The following GVQW3 variants were observed in gnomAD, a reference collection of about 807,000 sequenced individuals.
GVQW3 encodes the protein protein GVQW3.
Under a neutral mutation model 12.5 loss-of-function variants are expected in GVQW3, and 7 were observed. That is an observed-to-expected ratio of 0.56 (90% confidence interval 0.32 to 1.05). The LOEUF is 1.05. GVQW3 is among the 50% of genes least tolerant of loss of function. The pLI is 0.04. For synonymous variants in GVQW3, 71 were observed against 67.2 expected, an observed-to-expected ratio of 1.06 and a Z score of -0.28; for missense variants, 188 against 190.8, an observed-to-expected ratio of 0.99 and a Z score of 0.09.
chr11:76,413,235 C>T (rs1177168277), exon 2 of GVQW3: 1 of 152,098 alleles, frequency 6.6e-6, no homozygotes, highest in Non-Finnish European at 1.5e-5. Context: ...AGCCTTGTAT[C>T]ATACAAGGCT....
intron 1 of GVQW3, among the ~76,000 whole-genome samples, chr11:76,401,677 G>C (rs964252829): frequency 1.3e-5 from 2 of 150,900 alleles, no homozygotes; most frequent in South Asian, 4.2e-4. Flanking sequence ...TGAGGCTGAG[G>C]CAGGAGAACC....
rs1369652570 is a variant in GVQW3, at chr11:76,404,943, T to C, written c.*1185T>C. On this transcript the variant is annotated 3_prime_UTR_variant, in exon 2 of 2. Coordinates refer to ENST00000529331, the MANE Select transcript of GVQW3 (RefSeq NM_001347885.2). ...GGGGACTTTAATGAGTGTAAATAGC[T>C]ACCCTTTATTGAGCATTGTTTATGT... 1 of 152,248 alleles carries C rather than the reference T, an allele frequency of 6.6e-6. No individual in the cohort carries two copies. The highest frequency in any genetic ancestry group is 2.4e-5 in the African/African-American group (1 of 41,472). 9.4% of individuals were successfully genotyped at this position (152,248 alleles called of 1,614,324 possible). A position where few individuals can be genotyped will look rare whatever the true frequency, so the allele number is the denominator to read the frequency against.
At chr11:76,397,624 A>G (rs1946951168) in intron 1 of GVQW3, among the ~76,000 whole-genome samples, 1 of 152,182 alleles carries the variant, frequency 6.6e-6, no homozygotes, top group East Asian at 1.9e-4. Flanking sequence ...TAAATATTCA[A>G]ATTACCAATG....
intron 1 of GVQW3, among the ~76,000 whole-genome samples, chr11:76,386,062 C>T (rs985429780): frequency 1.3e-5 from 2 of 152,202 alleles, no homozygotes; most frequent in Admixed American, 6.5e-5. Context: ...TTAACACCAT[C>T]GGTCAATGAC....
At chr11:76,411,200 C>T (rs902031225), downstream of GVQW3, 5 of 152,346 alleles carry the variant, frequency 3.3e-5, no homozygotes, top group East Asian at 3.8e-4. Flanking sequence ...GGACTTGATC[C>T]GCGTGAGCGG....
At chr11:76,396,320 T>C (rs1946939106) in intron 1 of GVQW3, among the ~76,000 whole-genome samples, 1 of 151,836 alleles carries the variant, frequency 6.6e-6, no homozygotes, top group Non-Finnish European at 1.5e-5. Flanking sequence ...TTTATTATTA[T>C]TATTATTTTT....
intron 1 of GVQW3, among the ~76,000 whole-genome samples, chr11:76,400,038 C>CACACACACAT (rs1555029539): frequency 4.0e-5 from 6 of 151,330 alleles, no homozygotes; most frequent in African/African-American, 1.5e-4. Context: ...CACACACACA[C>CACACACACAT]ACACACACAC....
At chr11:76,384,083 G>A (rs1946806778) in intron 1 of GVQW3, among the ~76,000 whole-genome samples, 2 of 152,174 alleles carry the variant, frequency 1.3e-5, no homozygotes, top group African/African-American at 4.8e-5. Context: ...TCCCAAGTGG[G>A]TTCCAAGTAA....
At chr11:76,392,499 G>A (rs1176384034) in intron 1 of GVQW3, 1 of 152,194 alleles carries the variant, frequency 6.6e-6, no homozygotes, top group African/African-American at 2.4e-5. Flanking sequence ...GGCAGAGCCA[G>A]GATAATAATG....
At chr11:76,398,780 G>C (rs1946962139) in intron 1 of GVQW3, among the ~76,000 whole-genome samples, 1 of 152,130 alleles carries the variant, frequency 6.6e-6, no homozygotes, top group East Asian at 1.9e-4. Flanking sequence ...TTTTCTTATA[G>C]ACGTATATCT....
chr11:76,403,580 C>T, intron 1 of GVQW3, 80 bp from the exon 2 acceptor site: 1 of 426,162 alleles, frequency 2.3e-6, no homozygotes, highest in South Asian at 8.5e-5. Flanking sequence ...AGCAGTCCTC[C>T]CACCTCAGCC....
At chr11:76,395,569 T>G (rs1946931539) in intron 1 of GVQW3, among the ~76,000 whole-genome samples, 1 of 152,216 alleles carries the variant, frequency 6.6e-6, no homozygotes, top group Non-Finnish European at 1.5e-5. Flanking sequence ...TTTTTTGCCT[T>G]CCACACCTGT....
rs185142757 is a variant in GVQW3 at position 76,397,150 on chromosome 11, C to T, written c.466-6510C>T. 1.8e-3 allele frequency among the ~76,000 whole-genome samples: 270 copies of T among 151,994 alleles called. No individual in the cohort carries two copies. In the Middle Eastern group the frequency reaches 0.02, roughly 11 times the overall value. On this transcript the variant is annotated intron_variant, in intron 1 of 1. Coordinates refer to ENST00000529331, the MANE Select transcript of GVQW3 (RefSeq NM_001347885.2). Reference sequence around the variant, plus strand: ...TCCCGAGTAGCTGGGACTACAGGTGCGCACCACCACGCCCAGCTAATTTTT... The same window carrying T: ...TCCCGAGTAGCTGGGACTACAGGTGTGCACCACCACGCCCAGCTAATTTTT...
intron 1 of GVQW3, chr11:76,389,806 G>A (rs558972425): frequency 9.9e-5 from 15 of 152,254 alleles, no homozygotes; most frequent in Admixed American, 2.6e-4. Context: ...AGTGGCTTTC[G>A]ATGTGCCAAG....
At chr11:76,389,109 C>A (rs1393455447) in intron 1 of GVQW3, among the ~76,000 whole-genome samples, 4 of 152,168 alleles carry the variant, frequency 2.6e-5, no homozygotes, top group South Asian at 2.1e-4. Context: ...GTATGACTAT[C>A]CAGTAGACTG....
intron 1 of GVQW3, among the ~76,000 whole-genome samples, chr11:76,395,365 T>G (rs1227687836): frequency 4.6e-5 from 7 of 152,262 alleles, no homozygotes; most frequent in Non-Finnish European, 1.0e-4. Context: ...TTTGGACTCA[T>G]GTATGTTTGT....
intron 1 of GVQW3, among the ~76,000 whole-genome samples, chr11:76,385,982 A>G (rs1225215875): frequency 2.0e-5 from 3 of 152,176 alleles, no homozygotes; most frequent in Admixed American, 1.3e-4. Context: ...CCACCTAACC[A>G]CAATAGATCA....
intron 1 of GVQW3, chr11:76,389,814 A>G (rs1284627180): frequency 1.3e-5 from 2 of 152,226 alleles, no homozygotes; most frequent in Non-Finnish European, 2.9e-5. Flanking sequence ...TCGATGTGCC[A>G]AGTCTACCTC....
chr11:76,396,063 C>T (rs1387149679), intron 1 of GVQW3, among the ~76,000 whole-genome samples: 1 of 152,176 alleles, frequency 6.6e-6, no homozygotes, highest in African/African-American at 2.4e-5. Context: ...TCCTTACATA[C>T]ATGCTGAAGA....
Sources: gnomAD v4.1 joint callset for allele counts (sites outside exome capture counted in the v4.1 genomes callset) on GRCh38, gnomAD v4.1.1 for gene constraint, MANE v1.5 for transcripts, NCBI Gene and HGNC (gene_info 2026-07-23, HGNC 2026-07-21) for gene names.